The following BBX variants were observed in gnomAD, a reference collection of about 807,000 sequenced individuals.
BBX encodes the protein BBX high mobility group box domain containing, also known as HMG box transcription factor BBX.
Under a neutral mutation model 100.2 loss-of-function variants are expected in BBX, and 30 were observed. The observed-to-expected ratio is 0.30, with a 90% confidence interval of 0.22 to 0.41. The LOEUF (loss-of-function observed/expected upper bound fraction) is 0.41, where lower values mean the gene tolerates loss of function less well. Among genes scored for constraint, BBX ranks in the 10% least tolerant of loss-of-function variants. The probability of loss-of-function intolerance (pLI) is 1.00; values close to 1 mark genes in which losing one functional copy is unlikely to be tolerated. For missense variants in BBX, 1,023 were observed against 1,129.8 expected (o/e 0.91, Z 1.35); for synonymous variants, 376 against 388.1 (o/e 0.97, Z 0.37).
chr3:107,637,729 C>T (rs2107752833), intron 2 of BBX, among the ~76,000 whole-genome samples: 1 of 152,306 alleles, frequency 6.6e-6, no homozygotes, highest in East Asian at 1.9e-4. Flanking sequence ...GATGTTGTCA[C>T]AGCTCTATCA....
chr3:107,540,788 T>C (rs2048813104), intron 2 of BBX, among the ~76,000 whole-genome samples: 2 of 152,228 alleles, frequency 1.3e-5, no homozygotes, highest in African/African-American at 4.8e-5. Context: ...AGTTGGGATA[T>C]GTCCTGGATC....
chr3:107,627,643 C>T (rs990881428), intron 2 of BBX, among the ~76,000 whole-genome samples: 5 of 152,006 alleles, frequency 3.3e-5, no homozygotes, highest in Non-Finnish European at 7.4e-5. Context: ...TAAACTTTTA[C>T]TTTCTCTAAG....
chr3:107,774,679 C>T (rs1342400683), intron 11 of BBX, 40 bp from the exon 12 acceptor site: 2 of 1,604,602 alleles, frequency 1.2e-6, no homozygotes, highest in East Asian at 2.2e-5. Flanking sequence ...CCCTCGCCCA[C>T]CTGTATACCA....
intron 3 of BBX, among the ~76,000 whole-genome samples, chr3:107,657,518 T>C (rs1375116434): frequency 1.3e-5 from 2 of 152,174 alleles, no homozygotes; most frequent in African/African-American, 4.8e-5. Flanking sequence ...AACTTGACAA[T>C]AGACTGAACT....
At chr3:107,627,826 A>G (rs552155288) in intron 2 of BBX, among the ~76,000 whole-genome samples, 5 of 152,188 alleles carry the variant, frequency 3.3e-5, no homozygotes, top group African/African-American at 9.6e-5. Context: ...GAACTTTCTT[A>G]TTTAATGTTT....
chr3:107,546,487 C>T (rs1036461911), intron 2 of BBX, among the ~76,000 whole-genome samples: 1 of 152,078 alleles, frequency 6.6e-6, no homozygotes, highest in Non-Finnish European at 1.5e-5. Context: ...TTATTATGTG[C>T]TTTTAGTGAC....
chr3:107,616,115 C>T (rs1004174067), intron 2 of BBX, among the ~76,000 whole-genome samples: 3 of 138,310 alleles, frequency 2.2e-5, no homozygotes, highest in South Asian at 4.8e-4. Flanking sequence ...ATTCACATGT[C>T]GTTATCAGAA....
At chr3:107,631,297 C>T (rs1327892168) in intron 2 of BBX, among the ~76,000 whole-genome samples, 1 of 152,040 alleles carries the variant, frequency 6.6e-6, no homozygotes, top group Non-Finnish European at 1.5e-5. Context: ...ATAAAGTGCC[C>T]GGGCAGGCAC....
At chr3:107,707,711 G>A (rs1264641772) in intron 3 of BBX, among the ~76,000 whole-genome samples, 2 of 151,878 alleles carry the variant, frequency 1.3e-5, no homozygotes, top group Non-Finnish European at 2.9e-5. Context: ...AATGAGGGAG[G>A]ACTGAATGCG....
chr3:107,588,222 G>T (rs2053012476), intron 2 of BBX, among the ~76,000 whole-genome samples: 1 of 152,104 alleles, frequency 6.6e-6, no homozygotes, highest in East Asian at 1.9e-4. Flanking sequence ...GCTTTATGGA[G>T]GGGAGGTGTA....
At chr3:107,574,453 A>G (rs1002779209) in intron 2 of BBX, among the ~76,000 whole-genome samples, 5 of 152,204 alleles carry the variant, frequency 3.3e-5, no homozygotes, top group African/African-American at 1.2e-4. Context: ...ATAAGTATCT[A>G]TTAAAGTTTA....
At chr3:107,764,264 T>C (rs1042707965) in intron 10 of BBX, among the ~76,000 whole-genome samples, 4 of 152,226 alleles carry the variant, frequency 2.6e-5, no homozygotes, top group Non-Finnish European at 5.9e-5. Flanking sequence ...AGTGCGGGGA[T>C]TACAGGCGTG....
intron 3 of BBX, among the ~76,000 whole-genome samples, chr3:107,664,106 C>CTTTCTT (rs994238655): frequency 3.9e-5 from 6 of 152,230 alleles, no homozygotes; most frequent in South Asian, 4.1e-4. Context: ...CGCCTGGCCT[C>CTTTCTT]TTTCTTTTTC....
At chr3:107,530,133 T>C (rs2048057604) in intron 2 of BBX, among the ~76,000 whole-genome samples, 1 of 152,236 alleles carries the variant, frequency 6.6e-6, no homozygotes, top group African/African-American at 2.4e-5. Flanking sequence ...GGCTCACACC[T>C]GTAATCCCAG....
At chr3:107,798,850 A>G in intron 16 of BBX, 130 bp downstream of exon 16, 1 of 1,007,540 alleles carries the variant, frequency 9.9e-7, no homozygotes, top group Admixed American at 2.9e-5. Context: ...AAAAAAAAAA[A>G]CAAAAACAAA....
intron 3 of BBX, among the ~76,000 whole-genome samples, chr3:107,660,505 T>TAAAAAAAAAAAAAAAAAAAAAAAAAAA (rs34604623): frequency 9.9e-6 from 1 of 101,322 alleles, no homozygotes; most frequent in Non-Finnish European, 2.0e-5. Flanking sequence ...CAAAAAGCAT[T>TAAAAAAAAAAAAAAAAAAAAAAAAAAA]AAAAAAAAAA....
chr3:107,808,194 AC>A lies in BBX; in HGVS notation c.*2739del, dbSNP rs2071154833. On this transcript the variant is annotated 3_prime_UTR_variant, in exon 18 of 18. Transcript: ENST00000325805. ...TGTGTACTTTAATCTGCCAGCAGATACCATCTACACTAACATTTGTCCCACA... is the reference window on the plus strand; with the variant it reads ...TGTGTACTTTAATCTGCCAGCAGATACATCTACACTAACATTTGTCCCACA... 6.6e-6 allele frequency: 1 copy of A among 152,092 alleles called. No individual in the cohort carries two copies. The allele number at this position is 152,092 out of a possible 1,614,324, so 9.4% of individuals were successfully genotyped here.
chr3:107,606,312 A>G (rs1048743919), intron 2 of BBX, among the ~76,000 whole-genome samples: 7 of 152,234 alleles, frequency 4.6e-5, no homozygotes, highest in Non-Finnish European at 8.8e-5. Context: ...GCAAGGAAGT[A>G]TACTCTAATA....
chr3:107,701,802 G>C (rs1185557670), intron 3 of BBX, among the ~76,000 whole-genome samples: 4 of 136,748 alleles, frequency 2.9e-5, no homozygotes, highest in African/African-American at 1.1e-4. Flanking sequence ...CTCTGCCTCA[G>C]GTTTCTCATC....
Sources: allele counts gnomAD v4.1 joint callset (sites outside exome capture counted in the v4.1 genomes callset), GRCh38; gene constraint gnomAD v4.1.1; transcripts MANE v1.5; gene names NCBI Gene and HGNC (gene_info 2026-07-23, HGNC 2026-07-21).